DGKH: variants seen among roughly 807,000 people sequenced by gnomAD.
DGKH encodes the protein DAG kinase eta.
Under a neutral mutation model 159.3 loss-of-function variants are expected in DGKH, and 90 were observed. The observed-to-expected ratio is 0.57, with a 90% confidence interval of 0.48 to 0.67. The LOEUF is 0.67. Ranked by LOEUF, DGKH falls within the 30% of genes least tolerant of loss-of-function variation. The pLI is 0.00. For missense variants in DGKH, 1,181 were observed against 1,506.1 expected (o/e 0.78, Z 3.57); for synonymous variants, 536 against 553.8 (o/e 0.97, Z 0.45).
chr13:42,165,982 T>A (rs1359079698), intron 8 of DGKH, among the ~76,000 whole-genome samples: 1 of 152,106 alleles, frequency 6.6e-6, no homozygotes, highest in African/African-American at 2.4e-5. Flanking sequence ...GCTATGCTGT[T>A]TTATGTAACA....
chr13:42,135,342 T>A (rs1955378351), intron 3 of DGKH, among the ~76,000 whole-genome samples: 1 of 149,060 alleles, frequency 6.7e-6, no homozygotes, highest in Non-Finnish European at 1.5e-5. Context: ...CTACAAAAAA[T>A]GAAAAAATTA....
chr13:42,217,538 C>T (rs2138232127), intron 26 of DGKH, among the ~76,000 whole-genome samples: 1 of 151,902 alleles, frequency 6.6e-6, no homozygotes, highest in African/African-American at 2.4e-5. Context: ...CCACTGCGCC[C>T]AGCCAAGAAT....
At chr13:42,182,341 G>A (rs12431373) in intron 13 of DGKH, among the ~76,000 whole-genome samples, 19,305 of 152,146 alleles carry the variant, frequency 0.13, 1,616 homozygotes, top group Admixed American at 0.22. Flanking sequence ...ACTTTATTTT[G>A]CTACAGTATC....
intron 11 of DGKH, among the ~76,000 whole-genome samples, chr13:42,171,824 A>ATTTT (rs1594139251): frequency 8.0e-6 from 1 of 125,568 alleles, no homozygotes; most frequent in Non-Finnish European, 1.6e-5. Context: ...TCAAATATAA[A>ATTTT]TTTCTTTTTT....
chr13:42,113,934 G>A (rs566913178), intron 1 of DGKH, among the ~76,000 whole-genome samples: 3 of 152,114 alleles, frequency 2.0e-5, no homozygotes, highest in African/African-American at 7.2e-5. Flanking sequence ...TTTGTGTTTG[G>A]CCACCTTTGA....
intron 1 of DGKH, among the ~76,000 whole-genome samples, chr13:42,105,334 A>G (rs1170290762): frequency 6.6e-6 from 1 of 152,128 alleles, no homozygotes; most frequent in Non-Finnish European, 1.5e-5. Flanking sequence ...CTCTATGATA[A>G]CAACATTAAT....
chr13:42,119,756 A>G (rs1955032773), intron 1 of DGKH, among the ~76,000 whole-genome samples: 1 of 152,240 alleles, frequency 6.6e-6, no homozygotes, highest in South Asian at 2.1e-4. Flanking sequence ...CTTTAAGTAT[A>G]TTCACATTGT....
chr13:42,204,310 T>C (rs992126870), intron 20 of DGKH, among the ~76,000 whole-genome samples: 13 of 152,224 alleles, frequency 8.5e-5, no homozygotes, highest in African/African-American at 2.9e-4. Context: ...TATTTATTCA[T>C]TCAACAAATA....
chr13:42,143,168 G>A (rs1357688941), intron 3 of DGKH, among the ~76,000 whole-genome samples: 1 of 152,134 alleles, frequency 6.6e-6, no homozygotes, highest in African/African-American at 2.4e-5. Context: ...TATGGTTTTT[G>A]TTGTCGGTTC....
chr13:42,070,504 G>C (rs1215990940), intron 1 of DGKH: 1 of 1,289,960 alleles, frequency 7.8e-7, no homozygotes. Context: ...ATGGAGATCT[G>C]TACCATTTAG....
intron 1 of DGKH, among the ~76,000 whole-genome samples, chr13:42,118,306 A>C (rs1240002809): frequency 1.3e-5 from 2 of 152,118 alleles, no homozygotes; most frequent in African/African-American, 4.8e-5. Context: ...CCCGTTTTCT[A>C]ATTTTTTGTC....
intron 1 of DGKH, among the ~76,000 whole-genome samples, chr13:42,082,156 G>A (rs534794838): frequency 6.6e-6 from 1 of 151,646 alleles, no homozygotes; most frequent in African/African-American, 2.4e-5. Context: ...TGCTCTGCTT[G>A]GACTCTGACA....
rs147829244 is a variant in DGKH, at chr13:42,125,857, A to G, written c.193-1606A>G. On this transcript the variant is annotated intron_variant, in intron 1 of 29. Coordinates refer to ENST00000337343, the MANE Select transcript of DGKH (RefSeq NM_178009.5). The stretch of plus-strand genomic sequence containing the variant: ...GCCATTTATTCATATAGATCTCATT[A>G]TCATATGTAGCAGATAATGTTCTAG... Among the ~76,000 whole-genome samples the G allele has an allele frequency of 3.4e-3, 512 of 152,336 alleles. 2 individuals carry two copies. Among genetic ancestry groups the G allele is most frequent in the Middle Eastern group, 6.8e-3 (2 of 294 alleles).
chr13:42,155,223 ATGTTAGG>A, intron 3 of DGKH, 61 bp from the exon 4 acceptor site: 1 of 1,169,346 alleles, frequency 8.6e-7, no homozygotes, highest in African/African-American at 1.6e-5. Context: ...ACCTCAGAAG[ATGTTAGG>A]TTTTGCAACA....
chr13:42,189,360 C>A, intron 15 of DGKH, 51 bp downstream of exon 15: 4 of 1,606,662 alleles, frequency 2.5e-6, no homozygotes, highest in Non-Finnish European at 3.4e-6. Flanking sequence ...ATTTCTACTG[C>A]AAGCATAACG....
chr13:42,114,221 A>T (rs1182295579), intron 1 of DGKH, among the ~76,000 whole-genome samples: 4 of 152,152 alleles, frequency 2.6e-5, no homozygotes, highest in Non-Finnish European at 4.4e-5. Flanking sequence ...TATATTTGCC[A>T]CAGGGACAAT....
chr13:42,146,581 T>A (rs1489700302), intron 3 of DGKH, among the ~76,000 whole-genome samples: 1 of 152,218 alleles, frequency 6.6e-6, no homozygotes, highest in Non-Finnish European at 1.5e-5. Context: ...ATGCAGCCAT[T>A]AAAAAGATGA....
At chr13:42,250,257 C>G (rs989014449) in intron 29 of DGKH, among the ~76,000 whole-genome samples, 1 of 151,468 alleles carries the variant, frequency 6.6e-6, no homozygotes. Flanking sequence ...GCATGAGCCC[C>G]CACGACCGGC....
chr13:42,159,207 T>C (rs1306251785), intron 5 of DGKH, 59 bp from the exon 6 acceptor site: 5 of 969,570 alleles, frequency 5.2e-6, no homozygotes, highest in Non-Finnish European at 7.3e-6. Flanking sequence ...CTTTAATCAT[T>C]GGTCCAAAAT....
Sources: gnomAD v4.1 joint callset for allele counts (sites outside exome capture counted in the v4.1 genomes callset) on GRCh38, gnomAD v4.1.1 for gene constraint, MANE v1.5 for transcripts, NCBI Gene and HGNC (gene_info 2026-07-23, HGNC 2026-07-21) for gene names.